Variants in COL11A1 observed in about 807,000 individuals in gnomAD.
The protein encoded by COL11A1 is collagen alpha-1(XI) chain.
A neutral mutation model predicts 265.2 loss-of-function variants in COL11A1; 74 were observed. The ratio of observed to expected loss-of-function variants is 0.28; its 90% CI spans 0.23 to 0.34. COL11A1 has a LOEUF of 0.34. Ranked by LOEUF, COL11A1 falls within the 10% of genes least tolerant of loss-of-function variation. COL11A1 has a pLI of 1.00. For missense variants in COL11A1, 2,165 were observed against 2,263.6 expected (o/e 0.96, Z 0.88); for synonymous variants, 816 against 727.6 (o/e 1.12, Z -1.96).
At chr1:103,048,623 T>C (rs1346739088) in intron 4 of COL11A1, among the ~76,000 whole-genome samples, 1 of 152,194 alleles carries the variant, frequency 6.6e-6, no homozygotes, top group Non-Finnish European at 1.5e-5. Flanking sequence ...ATCTTAGTTA[T>C]TTCTTGCTTT....
At chr1:102,923,444 AGTTTGGTCAATTTCT>A in intron 46 of COL11A1, 55 bp from the exon 47 acceptor site, 1 of 1,323,080 alleles carries the variant, frequency 7.6e-7, no homozygotes, top group Non-Finnish European at 1.1e-6. Flanking sequence ...TAAAAAAAAA[AGTTTGGTCAATTTCT>A]AAGATAAAAT....
At chr1:103,022,317 A>C (rs1246068236) in intron 8 of COL11A1, among the ~76,000 whole-genome samples, 2 of 152,156 alleles carry the variant, frequency 1.3e-5, no homozygotes, top group East Asian at 3.8e-4. Flanking sequence ...ATGAGATTGA[A>C]CGATTGCCTC....
At chr1:102,930,396 A>AT (rs1476982436) in intron 46 of COL11A1, among the ~76,000 whole-genome samples, 3 of 151,674 alleles carry the variant, frequency 2.0e-5, no homozygotes, top group Non-Finnish European at 4.4e-5. Flanking sequence ...GATTACATTT[A>AT]TTGATTTGCG....
At chr1:103,076,208 A>G in intron 3 of COL11A1, among the ~76,000 whole-genome samples, 1 of 152,080 alleles carries the variant, frequency 6.6e-6, no homozygotes, top group East Asian at 1.9e-4. Context: ...TTCTCATACT[A>G]CACACTCCTA....
intron 4 of COL11A1, among the ~76,000 whole-genome samples, chr1:103,063,426 A>C (rs1381674284): frequency 6.6e-6 from 1 of 152,136 alleles, no homozygotes; most frequent in African/African-American, 2.4e-5. Context: ...AATATACTAA[A>C]CTGATCTTTG....
At position 102,886,822 on chromosome 1, in the gene COL11A1, G is replaced by C; in HGVS notation, c.4843C>G (p.Pro1615Ala). Residue 1615 changes from proline (P) to alanine (A), a missense_variant, in exon 63 of 67, where the codon CCT becomes GCT. Coordinates refer to ENST00000370096, the MANE Select transcript of COL11A1 (RefSeq NM_001854.4). ...RTCKDLQLSH[P>A]DFPDGEYWID... is the part of the protein sequence containing the mutation. ...ATTTACATACCATCTGGGAAGTCAGGATGGCTGAGTTGCAGGTCTTTACAA... is the reference window on the plus strand; with the variant it reads ...ATTTACATACCATCTGGGAAGTCAGCATGGCTGAGTTGCAGGTCTTTACAA... 6.2e-7 allele frequency: 1 copy of C among 1,613,894 alleles called. No homozygotes were observed. The highest frequency in any genetic ancestry group is 8.5e-7 in the Non-Finnish European group (1 of 1,179,816).
At chr1:102,912,916 C>T (rs1654858889) in intron 53 of COL11A1, among the ~76,000 whole-genome samples, 1 of 152,224 alleles carries the variant, frequency 6.6e-6, no homozygotes, top group South Asian at 2.1e-4. Context: ...CTGAGGCCTT[C>T]CCAGCCATGC....
Position 102,919,509 on chromosome 1 carries a change from A to T in COL11A1, c.3762+802T>A, listed in dbSNP as rs553989275. On this transcript the variant is annotated intron_variant, in intron 49 of 66. Coordinates refer to ENST00000370096, the MANE Select transcript of COL11A1 (RefSeq NM_001854.4). ...GATATCCTTTAACAAGTAGCATATT[A>T]AGGAATTTTTTAGTGTTTTCACTGC... Among the ~76,000 whole-genome samples the T allele has an allele frequency of 1.1e-4, 16 of 152,110 alleles. No homozygotes were observed. The South Asian group carries it at 1.9e-3, about 18-fold the overall frequency.
chr1:102,933,618 C>T (rs1657790247), intron 46 of COL11A1, among the ~76,000 whole-genome samples: 1 of 152,196 alleles, frequency 6.6e-6, no homozygotes, highest in African/African-American at 2.4e-5. Context: ...TGGGCTCCAC[C>T]CAGCTCGAGC....
At chr1:102,940,008 GTAAT>G (rs1196953972) in intron 43 of COL11A1, among the ~76,000 whole-genome samples, 1 of 151,960 alleles carries the variant, frequency 6.6e-6, no homozygotes, top group East Asian at 1.9e-4. Context: ...CCATATACAT[GTAAT>G]TAATTTTTTT....
intron 45 of COL11A1, 72 bp downstream of exon 45, chr1:102,934,988 T>A: frequency 7.0e-7 from 1 of 1,426,000 alleles, no homozygotes. Context: ...ATTGACTGGT[T>A]ATGGGACAGT....
Position 103,006,431 on chromosome 1 carries a change from C to G in COL11A1, c.1684-116G>C. The G allele has an allele frequency of 5.4e-6, 3 of 560,714 alleles. No individual in the cohort carries two copies. In the South Asian group the frequency reaches 1.1e-4, roughly 21 times the overall value. 34.7% of individuals were successfully genotyped at this position (560,714 alleles called of 1,614,324 possible). A position where few individuals can be genotyped will look rare whatever the true frequency, so the allele number is the denominator to read the frequency against. On this transcript the variant is annotated intron_variant, in intron 15 of 66. Coordinates refer to ENST00000370096, the MANE Select transcript of COL11A1 (RefSeq NM_001854.4). Reference sequence around the variant, plus strand: ...TCCTCTTAGCGTTACCTTAATCATTCAAACACAAGAAAATTATTTCCATGT... The same window carrying G: ...TCCTCTTAGCGTTACCTTAATCATTGAAACACAAGAAAATTATTTCCATGT...
rs765421983 is a variant in COL11A1, at chr1:102,978,828, T to G, written c.2709+32A>C. On this transcript the variant is annotated intron_variant, in intron 34 of 66. Coordinates refer to ENST00000370096, the MANE Select transcript of COL11A1 (RefSeq NM_001854.4). The stretch of plus-strand genomic sequence containing the variant: ...ATCTGCCTGGAAAAAAAATCTACAG[T>G]AACATCCAAACAGAAAAAGTACAGG... The G allele has an allele frequency of 3.1e-6, 5 of 1,613,746 alleles. No individual in the cohort carries two copies. In the African/African-American group the frequency reaches 5.3e-5, roughly 17 times the overall value.
chr1:103,023,456 C>T (rs1187255221), intron 7 of COL11A1, among the ~76,000 whole-genome samples: 1 of 151,340 alleles, frequency 6.6e-6, no homozygotes, highest in African/African-American at 2.4e-5. Flanking sequence ...CTCCTGGGTT[C>T]AAGTGATTCT....
chr1:102,989,496 T>C (rs1321291692), intron 29 of COL11A1, 22 bp downstream of exon 29: 6 of 1,545,970 alleles, frequency 3.9e-6, no homozygotes, highest in Middle Eastern at 1.8e-4. Flanking sequence ...TGTGTACTGG[T>C]GTACATTTTC....
chr1:102,961,949 G>T, intron 40 of COL11A1, 30 bp from the exon 41 acceptor site: 1 of 1,589,720 alleles, frequency 6.3e-7, no homozygotes, highest in South Asian at 1.1e-5. Flanking sequence ...TAAAGAAAAT[G>T]AATCCATATG....
At chr1:103,094,119 T>C (rs1288047113) in intron 1 of COL11A1, among the ~76,000 whole-genome samples, 1 of 151,976 alleles carries the variant, frequency 6.6e-6, no homozygotes, top group Non-Finnish European at 1.5e-5. Flanking sequence ...GGAAAGAGAT[T>C]GTGGATATGG....
intron 2 of COL11A1, among the ~76,000 whole-genome samples, chr1:103,080,537 A>C (rs1418891380): frequency 6.6e-6 from 1 of 151,934 alleles, no homozygotes; most frequent in South Asian, 2.1e-4. Context: ...CTTGAAGAAG[A>C]CATACAAATG....
intron 2 of COL11A1, 38 bp downstream of exon 2, chr1:103,082,767 T>C (rs1571238318): frequency 5.2e-6 from 8 of 1,537,980 alleles, no homozygotes; most frequent in East Asian, 2.3e-5. Flanking sequence ...TAATAACTTT[T>C]AGTAATAATA....
Sources: allele counts gnomAD v4.1 joint callset (sites outside exome capture counted in the v4.1 genomes callset), GRCh38; gene constraint gnomAD v4.1.1; transcripts MANE v1.5; gene names NCBI Gene and HGNC (gene_info 2026-07-23, HGNC 2026-07-21).